The following POLR3H variants were observed in gnomAD, a reference collection of about 807,000 sequenced individuals.
POLR3H encodes the protein RNA polymerase III subunit H, also known as DNA-directed RNA polymerase III subunit RPC8.
POLR3H carries 17 observed loss-of-function variants against 25.5 expected under a neutral mutation model. The ratio of observed to expected loss-of-function variants is 0.67; its 90% CI spans 0.46 to 1.00. The LOEUF is 1.00. Ranked by LOEUF, POLR3H falls within the 50% of genes least tolerant of loss-of-function variation. POLR3H has a pLI of 0.00. For missense variants in POLR3H, 274 were observed against 265.0 expected (o/e 1.03, Z -0.24); for synonymous variants, 129 against 103.0 (o/e 1.25, Z -1.53).
chr22:41,529,691 T>C (rs1323561639), intron 5 of POLR3H: 1 of 582,752 alleles, frequency 1.7e-6, no homozygotes, highest in Admixed American at 1.9e-5. Context: ...AAAGCCACTC[T>C]TCCCCGGAGC....
intron 2 of POLR3H, among the ~76,000 whole-genome samples, chr22:41,537,440 T>C (rs1184592863): frequency 6.6e-6 from 1 of 152,074 alleles, no homozygotes; most frequent in Non-Finnish European, 1.5e-5. Flanking sequence ...CAGCCCTGAG[T>C]GAGGCTGTGG....
chr22:41,529,432 AAAG>A, intron 5 of POLR3H, 96 bp from the exon 6 acceptor site: 5 of 1,106,468 alleles, frequency 4.5e-6, no homozygotes, highest in African/African-American at 1.5e-5. Flanking sequence ...CAGCACAGGC[AAAG>A]AAGAGGCGGG....
In POLR3H at chr22:41,540,805, T is replaced by C. The variant is rs376017577; in HGVS notation, c.112-10A>G. The C allele has an allele frequency of 1.2e-6, 2 of 1,607,668 alleles. No homozygotes were observed. The highest frequency in any genetic ancestry group is 1.7e-6 in the Non-Finnish European group (2 of 1,174,258). On this transcript the variant is annotated splice_polypyrimidine_tract_variant and intron_variant, in intron 1 of 5. Transcript: ENST00000355209. ...CCACGTTGTACACGACCTGCATGCA[T>C]ACAAACACAGACACACAAGTACACA...
intron 1 of POLR3H, among the ~76,000 whole-genome samples, chr22:41,542,597 C>T (rs1433390627): frequency 6.6e-6 from 1 of 152,180 alleles, no homozygotes; most frequent in Non-Finnish European, 1.5e-5. Flanking sequence ...ACACCTGTCC[C>T]TCATAACATT....
Position 41,529,245 on chromosome 22 carries a change from T to C in POLR3H, c.*38A>G, listed in dbSNP as rs1236698160. ...GTCTTCACAGCCGGCCATACCACCT[T>C]CCCGCAGGCTGGTAGGGTCCACTGT... On this transcript the variant is annotated 3_prime_UTR_variant, in exon 6 of 6. Coordinates refer to ENST00000355209, the MANE Select transcript of POLR3H (RefSeq NM_001018050.4). The C allele has an allele frequency of 1.9e-6, 3 of 1,584,444 alleles. No homozygotes were observed. Among genetic ancestry groups the C allele is most frequent in the Non-Finnish European group, 1.7e-6 (2 of 1,157,262 alleles).
At chr22:41,531,225 G>C (rs979683459) in intron 4 of POLR3H, among the ~76,000 whole-genome samples, 1 of 152,334 alleles carries the variant, frequency 6.6e-6, no homozygotes, top group Non-Finnish European at 1.5e-5. Flanking sequence ...TCCTGCCACG[G>C]AGCCCCACAC....
chr22:41,540,206 G>C (rs991325758), intron 2 of POLR3H: 2 of 255,478 alleles, frequency 7.8e-6, no homozygotes, highest in African/African-American at 2.2e-5. Flanking sequence ...TCCCCCTTCC[G>C]TCTGCTCTCC....
Position 41,528,151 on chromosome 22 carries a change from G to T in POLR3H, c.*1132C>A. 7.0e-7 allele frequency: 1 copy of T among 1,422,432 alleles called. No individual in the cohort carries two copies. 88.1% of individuals were successfully genotyped at this position (1,422,432 alleles called of 1,614,324 possible). A position where few individuals can be genotyped will look rare whatever the true frequency, so the allele number is the denominator to read the frequency against. On this transcript the variant is annotated 3_prime_UTR_variant, in exon 6 of 6. Coordinates refer to ENST00000355209, the MANE Select transcript of POLR3H (RefSeq NM_001018050.4). ...AGCTGGAAAGGCCCCCAGTTCTCCA[G>T]GTGGCCCCACAGAGAAAGCAAAGTG... is the stretch of plus-strand genomic sequence containing the variant.
rs1443575091 is a variant in POLR3H, at chr22:41,527,074, C to G, written c.*2209G>C. ...TGTCTTCTTTGCCACTGCAAACAAC[C>G]ACGTGCCTCTGTCCCCTCGGGGCCT... On this transcript the variant is annotated 3_prime_UTR_variant, in exon 6 of 6. Coordinates refer to ENST00000355209, the MANE Select transcript of POLR3H (RefSeq NM_001018050.4). 3 of 652,138 alleles carry G rather than the reference C, an allele frequency of 4.6e-6. No individual in the cohort carries two copies. The highest frequency in any genetic ancestry group is 7.8e-6 in the Non-Finnish European group (3 of 386,342). 40.4% of individuals were successfully genotyped at this position (652,138 alleles called of 1,614,324 possible).
intron 2 of POLR3H, among the ~76,000 whole-genome samples, chr22:41,538,667 C>T (rs900412578): frequency 2.6e-5 from 4 of 152,194 alleles, no homozygotes; most frequent in Non-Finnish European, 4.4e-5. Context: ...GGGCTCAGCT[C>T]GGCATCCTTC....
intron 1 of POLR3H, among the ~76,000 whole-genome samples, chr22:41,541,661 C>T (rs911051241): frequency 1.3e-5 from 2 of 152,236 alleles, no homozygotes; most frequent in Admixed American, 6.5e-5. Context: ...TAATCAAATA[C>T]TAGAAGACTT....
Position 41,532,656 on chromosome 22 carries a change from T to TA in POLR3H, c.295+2dup. 1 of 1,613,984 alleles carries TA rather than the reference T, an allele frequency of 6.2e-7. No individual in the cohort carries two copies. On this transcript the variant is annotated splice_region_variant and intron_variant, in intron 3 of 5. Transcript: ENST00000355209. ...TTGTCTGAGGCGTCAGGGCCACTGTTACCGTGCACTCCTTCTGGGCTGCAG... is the reference window on the plus strand; with the variant it reads ...TTGTCTGAGGCGTCAGGGCCACTGTTAACCGTGCACTCCTTCTGGGCTGCAG...
At position 41,541,523 on chromosome 22, in the gene POLR3H, T is replaced by C. The variant is rs117401285; in HGVS notation, c.112-728A>G. 6.6e-3 allele frequency among the ~76,000 whole-genome samples: 1,008 copies of C among 152,238 alleles called. 8 individuals carry two copies. Among genetic ancestry groups the C allele is most frequent in the Non-Finnish European group, 8.2e-3 (559 of 68,016 alleles). ...CCACTTAGAACCCTTGCAAGAACTG[T>C]CCAAGAATTAGCAAGAAGCTCAGAG... On this transcript the variant is annotated intron_variant, in intron 1 of 5. Transcript: ENST00000355209.
rs1407893500 is a variant in POLR3H at position 41,528,541 on chromosome 22, C to T, written c.*742G>A. 2 of 1,613,212 alleles carry T rather than the reference C, an allele frequency of 1.2e-6. No individual in the cohort carries two copies. The highest frequency in any genetic ancestry group is 1.7e-6 in the Non-Finnish European group (2 of 1,180,042). On this transcript the variant is annotated 3_prime_UTR_variant, in exon 6 of 6. Coordinates refer to ENST00000355209, the MANE Select transcript of POLR3H (RefSeq NM_001018050.4). ...AGGAGACCATCCTCCTGAACCACAC[C>T]TTCAACGAGACGCAGATTGAGTGGT...
intron 1 of POLR3H, among the ~76,000 whole-genome samples, chr22:41,541,059 C>A (rs1207373961): frequency 1.3e-5 from 2 of 152,154 alleles, no homozygotes; most frequent in East Asian, 3.8e-4. Context: ...CCAAGAGGGT[C>A]ACTTCACCTC....
At chr22:41,531,760 C>T (rs117850446) in intron 4 of POLR3H, among the ~76,000 whole-genome samples, 1 of 152,236 alleles carries the variant, frequency 6.6e-6, no homozygotes, top group Non-Finnish European at 1.5e-5. Flanking sequence ...GGCAAGTGAT[C>T]TTTAAGATGA....
Position 41,526,160 on chromosome 22 carries a change from C to T in POLR3H, c.*3123G>A. ...TTGCCTGCCTCTCACCCCTCTGTCA[C>T]CCCTCCTGGGCCCCGGGGCCTGCTG... On this transcript the variant is annotated 3_prime_UTR_variant, in exon 6 of 6. Transcript: ENST00000355209. 9.5e-7 allele frequency: 1 copy of T among 1,057,006 alleles called. No individual in the cohort carries two copies. Among genetic ancestry groups the T allele is most frequent in the Non-Finnish European group, 1.4e-6 (1 of 720,490 alleles). 65.5% of individuals were successfully genotyped at this position (1,057,006 alleles called of 1,614,324 possible). A position where few individuals can be genotyped will look rare whatever the true frequency, so the allele number is the denominator to read the frequency against.
chr22:41,528,787 A>G lies in POLR3H; in HGVS notation c.*496T>C, dbSNP rs983540619. 5.5e-6 allele frequency: 5 copies of G among 904,394 alleles called. No homozygotes were observed. The highest frequency in any genetic ancestry group is 3.1e-5 in the Admixed American group (1 of 31,816). 56.0% of individuals were successfully genotyped at this position (904,394 alleles called of 1,614,324 possible). On this transcript the variant is annotated 3_prime_UTR_variant, in exon 6 of 6. Transcript: ENST00000355209. ...TGGTTGTGGTGGGGGGGTTCTTAAA[A>G]TAACTTTTTAGCCCCCGTCTTCCTA...
At chr22:41,531,945 G>A in intron 4 of POLR3H, 149 bp downstream of exon 4, 1 of 647,482 alleles carries the variant, frequency 1.5e-6, no homozygotes, top group Non-Finnish European at 2.7e-6. Flanking sequence ...ACAGGCTGGT[G>A]CCTCTGGAGC....
Sources: allele counts gnomAD v4.1 joint callset (sites outside exome capture counted in the v4.1 genomes callset), GRCh38; gene constraint gnomAD v4.1.1; transcripts MANE v1.5; gene names NCBI Gene and HGNC (gene_info 2026-07-23, HGNC 2026-07-21).